Variants in STAC observed in about 807,000 individuals in gnomAD.
STAC encodes the protein SH3 and cysteine-rich domain-containing protein.
A neutral mutation model predicts 48.8 loss-of-function variants in STAC; 43 were observed. The ratio of observed to expected loss-of-function variants is 0.88; its 90% CI spans 0.69 to 1.14. The LOEUF (loss-of-function observed/expected upper bound fraction) is 1.14. Among genes scored for constraint, STAC ranks in the 50% most tolerant of loss-of-function variants. STAC has a pLI of 0.00. For synonymous variants in STAC, 193 were observed against 179.5 expected (o/e 1.07, Z -0.60); for missense variants, 497 against 504.0 (o/e 0.99, Z 0.13).
At chr3:36,528,768 A>T (rs1205472879) in intron 9 of STAC, 21 bp downstream of exon 9, 4 of 1,099,520 alleles carry the variant, frequency 3.6e-6, no homozygotes, top group South Asian at 4.7e-5. Context: ...CTCTTTCTTT[A>T]AAAAAAAAAG....
At chr3:36,423,106 C>T (rs944607264) in intron 1 of STAC, among the ~76,000 whole-genome samples, 7 of 152,014 alleles carry the variant, frequency 4.6e-5, no homozygotes, top group African/African-American at 1.4e-4. Flanking sequence ...TCATAATCTC[C>T]ATGGTTGAAT....
chr3:36,403,311 G>A (rs1360910349), intron 1 of STAC, among the ~76,000 whole-genome samples: 1 of 151,816 alleles, frequency 6.6e-6, no homozygotes, highest in African/African-American at 2.4e-5. Context: ...TAGAACAAAC[G>A]ACAGATAATT....
chr3:36,390,632 C>T (rs896447388), intron 1 of STAC, among the ~76,000 whole-genome samples: 29 of 152,016 alleles, frequency 1.9e-4, no homozygotes, highest in Admixed American at 1.6e-3. Context: ...CATCCACATA[C>T]ATAAGGGAGA....
chr3:36,538,568 T>A (rs1699252131), intron 10 of STAC, among the ~76,000 whole-genome samples: 1 of 152,222 alleles, frequency 6.6e-6, no homozygotes, highest in Non-Finnish European at 1.5e-5. Flanking sequence ...GTACAATTCT[T>A]GATGCATACT....
intron 2 of STAC, among the ~76,000 whole-genome samples, chr3:36,456,335 C>T (rs548874298): frequency 6.6e-6 from 1 of 152,230 alleles, no homozygotes; most frequent in African/African-American, 2.4e-5. Context: ...CCTAATATTT[C>T]TGTTTGTACG....
intron 6 of STAC, among the ~76,000 whole-genome samples, chr3:36,499,515 A>C (rs1447675468): frequency 1.3e-5 from 2 of 152,174 alleles, no homozygotes; most frequent in Non-Finnish European, 2.9e-5. Context: ...GGAGAAAAAA[A>C]TCAATCAATT....
At chr3:36,386,650 G>C (rs907922997) in intron 1 of STAC, among the ~76,000 whole-genome samples, 1 of 151,984 alleles carries the variant, frequency 6.6e-6, no homozygotes, top group Non-Finnish European at 1.5e-5. Context: ...TAAGGGTCAA[G>C]ATTCATTTTG....
chr3:36,498,986 C>T (rs1460057895), intron 6 of STAC, among the ~76,000 whole-genome samples: 1 of 152,106 alleles, frequency 6.6e-6, no homozygotes, highest in Non-Finnish European at 1.5e-5. Flanking sequence ...TTACAAATTA[C>T]AGTATAAGTG....
rs186992642 is a variant in STAC, at chr3:36,395,437, T to C, written c.111+14683T>C. 6.6e-5 allele frequency among the ~76,000 whole-genome samples: 10 copies of C among 152,280 alleles called. No individual in the cohort carries two copies. In the South Asian group the frequency reaches 8.3e-4, roughly 13 times the overall value. ...ACATGAGAGGAATTTCGATGACAAG[T>C]AGAAGTGTCTGTTTCCTCCTCAGGG... On this transcript the variant is annotated intron_variant, in intron 1 of 10. Coordinates refer to ENST00000273183, the MANE Select transcript of STAC (RefSeq NM_003149.3).
rs185944203 is a variant in STAC at position 36,452,798 on chromosome 3, A to G, written c.388+9158A>G. Among the ~76,000 whole-genome samples, 13 of 152,344 alleles carry G rather than the reference A, an allele frequency of 8.5e-5. No individual in the cohort carries two copies. In the East Asian group the frequency reaches 2.1e-3, roughly 25 times the overall value. ...GTGAGAGACTGGGAAGTAGCAAAGG[A>G]AAGGGGAATAGACATTACCTAGAAA... On this transcript the variant is annotated intron_variant, in intron 2 of 10. Coordinates refer to ENST00000273183, the MANE Select transcript of STAC (RefSeq NM_003149.3).
chr3:36,394,332 A>G (rs1699812891), intron 1 of STAC, among the ~76,000 whole-genome samples: 1 of 152,218 alleles, frequency 6.6e-6, no homozygotes, highest in Non-Finnish European at 1.5e-5. Flanking sequence ...TGATTGCACA[A>G]GGTTCTAGTG....
chr3:36,456,725 A>G (rs1220823635), intron 2 of STAC, among the ~76,000 whole-genome samples: 1 of 152,160 alleles, frequency 6.6e-6, no homozygotes, highest in Non-Finnish European at 1.5e-5. Context: ...CTGAGGGCAG[A>G]TGGCACCTCA....
At position 36,493,232 on chromosome 3, in the gene STAC, G is replaced by C. The variant is rs1478655632; in HGVS notation, c.766+3G>C. 2 of 1,612,930 alleles carry C rather than the reference G, an allele frequency of 1.2e-6. No homozygotes were observed. The highest frequency in any genetic ancestry group is 1.7e-6 in the Non-Finnish European group (2 of 1,179,256). ...CCTAAGGAAACGCAGCAACAGCGGT[G>C]AGTGAGGGAGTTGGCACAGCACAAA... On this transcript the variant is annotated splice_donor_region_variant and intron_variant, in intron 6 of 10. Coordinates refer to ENST00000273183, the MANE Select transcript of STAC (RefSeq NM_003149.3).
intron 1 of STAC, among the ~76,000 whole-genome samples, chr3:36,382,646 T>G (rs1171149162): frequency 6.6e-6 from 1 of 152,212 alleles, no homozygotes; most frequent in Non-Finnish European, 1.5e-5. Flanking sequence ...GAATTTTTCT[T>G]GGCATAGCAT....
chr3:36,414,954 G>A (rs948902236), intron 1 of STAC, among the ~76,000 whole-genome samples: 1 of 152,168 alleles, frequency 6.6e-6, no homozygotes, highest in Non-Finnish European at 1.5e-5. Flanking sequence ...TGTTTGCCTA[G>A]GTATCAGCAG....
chr3:36,434,088 A>G (rs1347348746), intron 1 of STAC, among the ~76,000 whole-genome samples: 2 of 152,210 alleles, frequency 1.3e-5, no homozygotes, highest in African/African-American at 4.8e-5. Context: ...CTCTCTGCCC[A>G]TTGAGTTCAC....
At chr3:36,446,206 G>A (rs1007160575) in intron 2 of STAC, among the ~76,000 whole-genome samples, 1 of 152,212 alleles carries the variant, frequency 6.6e-6, no homozygotes, top group African/African-American at 2.4e-5. Flanking sequence ...TCAACACACT[G>A]CTACCCTTTA....
chr3:36,446,270 A>G (rs1696506695), intron 2 of STAC, among the ~76,000 whole-genome samples: 1 of 152,220 alleles, frequency 6.6e-6, no homozygotes, highest in Admixed American at 6.5e-5. Context: ...TAAGCAAGCC[A>G]AAGATGCTCA....
intron 2 of STAC, among the ~76,000 whole-genome samples, chr3:36,463,540 C>T (rs563419067): frequency 4.7e-5 from 7 of 148,948 alleles, no homozygotes; most frequent in African/African-American, 1.5e-4. Context: ...TTTAAGTTTT[C>T]GGGTACATGT....
Sources: gnomAD v4.1 joint callset for allele counts (sites outside exome capture counted in the v4.1 genomes callset) on GRCh38, gnomAD v4.1.1 for gene constraint, MANE v1.5 for transcripts, NCBI Gene and HGNC (gene_info 2026-07-23, HGNC 2026-07-21) for gene names.